HERC2: variants seen among roughly 807,000 people sequenced by gnomAD.
HERC2 encodes E3 ubiquitin-protein ligase HERC2.
A neutral mutation model predicts 537.7 loss-of-function variants in HERC2; 102 were observed. The ratio of observed to expected loss-of-function variants is 0.19; its 90% CI spans 0.16 to 0.22. The LOEUF (loss-of-function observed/expected upper bound fraction) is 0.22, where lower values mean the gene tolerates loss of function less well. Ranked by LOEUF, HERC2 falls within the 10% of genes least tolerant of loss-of-function variation. The pLI is 1.00. For synonymous variants in HERC2, 2,224 were observed against 2,466.2 expected, an observed-to-expected ratio of 0.90 and a Z score of 2.91; for missense variants, 4,236 against 6,198.2, an observed-to-expected ratio of 0.68 and a Z score of 10.63.
At chr15:28,226,055 A>AAC (rs1901121343) in intron 35 of HERC2, among the ~76,000 whole-genome samples, 1 of 152,248 alleles carries the variant, frequency 6.6e-6, no homozygotes, top group Admixed American at 6.5e-5. Flanking sequence ...AATATATGGG[A>AAC]ACACTACCCA....
intron 55 of HERC2, among the ~76,000 whole-genome samples, chr15:28,189,134 G>A (rs1566988030): frequency 6.6e-6 from 1 of 152,100 alleles, no homozygotes; most frequent in African/African-American, 2.4e-5. Context: ...GTACAGCAAA[G>A]GCCATGCTTA....
chr15:28,192,112 A>G lies in HERC2; in HGVS notation c.8300T>C (p.Leu2767Pro), dbSNP rs1896908150. Residue 2767 changes from leucine (L) to proline (P), a missense_variant, in exon 53 of 93, where the codon CTG becomes CCG. Coordinates refer to ENST00000261609, the MANE Select transcript of HERC2 (RefSeq NM_004667.6). ...TGGCTGGCTGCTGTGGCAACGCTTC[A>G]GCTGTTTTCCAGAACGGCCACAAAA... Reference protein sequence around the residue: ...AVFCGRSGKQLKRCHSSQPGM... With the variant: ...AVFCGRSGKQPKRCHSSQPGM... 6.2e-7 allele frequency: 1 copy of G among 1,613,908 alleles called. No individual in the cohort carries two copies. The highest frequency in any genetic ancestry group is 1.3e-5 in the African/African-American group (1 of 74,942).
chr15:28,118,029 T>TA, intron 86 of HERC2: 1 of 191,692 alleles, frequency 5.2e-6, no homozygotes. Context: ...AAGTTGAGTT[T>TA]AAACAGCTTA....
chr15:28,281,957 G>A (rs2076030347), intron 4 of HERC2, among the ~76,000 whole-genome samples: 1 of 152,130 alleles, frequency 6.6e-6, no homozygotes, highest in African/African-American at 2.4e-5. Context: ...CTCTGCCCTT[G>A]AGCACCCACG....
chr15:28,172,871 G>GA (rs1894831338), intron 65 of HERC2, among the ~76,000 whole-genome samples: 1 of 152,132 alleles, frequency 6.6e-6, no homozygotes, highest in African/African-American at 2.4e-5. Context: ...TTAGGCAAAG[G>GA]ACTTGTAACC....
chr15:28,304,185 A>C (rs1329669697), intron 2 of HERC2, among the ~76,000 whole-genome samples: 1 of 151,180 alleles, frequency 6.6e-6, no homozygotes, highest in Non-Finnish European at 1.5e-5. Context: ...AAAAAAAAAA[A>C]AAAAAAACAG....
At chr15:28,121,485 G>T in intron 85 of HERC2, 56 bp from the exon 86 acceptor site, 2 of 1,346,092 alleles carry the variant, frequency 1.5e-6, no homozygotes, top group Non-Finnish European at 2.1e-6. Context: ...CATCACTCCT[G>T]AAGAAATCAT....
intron 26 of HERC2, among the ~76,000 whole-genome samples, chr15:28,236,516 C>G (rs1483375494): frequency 6.6e-6 from 1 of 152,008 alleles, no homozygotes; most frequent in Non-Finnish European, 1.5e-5. Flanking sequence ...GTCTTGAACT[C>G]CTGACCTCAG....
intron 2 of HERC2, chr15:28,312,985 T>C (rs1207496760): frequency 3.9e-5 from 6 of 155,334 alleles, no homozygotes; most frequent in African/African-American, 1.2e-4. Flanking sequence ...AGAAGGCCAA[T>C]GACTTGACCA....
At chr15:28,184,570 A>G (rs2140214262) in intron 56 of HERC2, among the ~76,000 whole-genome samples, 1 of 152,252 alleles carries the variant, frequency 6.6e-6, no homozygotes, top group East Asian at 1.9e-4. Context: ...ATATGTATTA[A>G]TAATTTTATG....
At chr15:28,318,489 G>A (rs547699411) in intron 2 of HERC2, among the ~76,000 whole-genome samples, 29 of 152,220 alleles carry the variant, frequency 1.9e-4, no homozygotes, top group African/African-American at 3.9e-4. Flanking sequence ...TTAGCCAGGC[G>A]TGGTGGTGGA....
chr15:28,233,557 A>G lies in HERC2; in HGVS notation c.4356T>C (p.His1452=). The G allele has an allele frequency of 6.2e-7, 1 of 1,613,476 alleles. No individual in the cohort carries two copies. Among genetic ancestry groups the G allele is most frequent in the Non-Finnish European group, 8.5e-7 (1 of 1,179,456 alleles). The change falls in exon 29 of 93, where the codon CAT becomes CAC. Residue 1452 remains histidine (H), a synonymous_variant. Transcript: ENST00000261609. ...CTGCATGAACTAAAGATAATGCCAC[A>G]TGACCTGTAAAAAGACATTTAAAAG... ...CCLLKHEDLG[H]VALSLVHAGA... is the part of the protein sequence containing the mutation.
intron 7 of HERC2, chr15:28,273,316 T>C (rs2075790231): frequency 6.9e-6 from 3 of 434,014 alleles, no homozygotes; most frequent in Non-Finnish European, 1.3e-5. Context: ...TATCTAGCTA[T>C]CTTTTCCAGT....
At position 28,229,826 on chromosome 15, in the gene HERC2, T is replaced by C. The variant is rs1439524875; in HGVS notation, c.4831A>G (p.Ser1611Gly). ...TATTTGTGAACACCTGTAACAGTACTCAACAGCGGCTGCCATTTGTCCTAA... is the reference window on the plus strand; with the variant it reads ...TATTTGTGAACACCTGTAACAGTACCCAACAGCGGCTGCCATTTGTCCTAA... ...SPKDKWQPLL[S>G]TVTGVHKYKW... The change falls in exon 32 of 93, where the codon AGT becomes GGT. Residue 1611 changes from serine to glycine, a missense_variant. Transcript: ENST00000261609. 7.4e-7 allele frequency: 1 copy of C among 1,351,984 alleles called. No homozygotes were observed. The highest frequency in any genetic ancestry group is 1.1e-6 in the Non-Finnish European group (1 of 944,812). The allele number at this position is 1,351,984 out of a possible 1,614,324, so 83.7% of individuals were successfully genotyped here.
In HERC2 at chr15:28,143,462, T is replaced by G. The variant is rs1891428483; in HGVS notation, c.11418+411A>C. ...TTATTTTTATTCATTTATTTATTTT[T>G]TTTGAGATGGAGTCTCGCTCTGTCA... On this transcript the variant is annotated intron_variant, in intron 74 of 92. Coordinates refer to ENST00000261609, the MANE Select transcript of HERC2 (RefSeq NM_004667.6). 2.6e-5 allele frequency among the ~76,000 whole-genome samples: 4 copies of G among 152,152 alleles called. 1 individual carries two copies. The highest frequency in any genetic ancestry group is 2.6e-4 in the Admixed American group (4 of 15,262).
intron 21 of HERC2, among the ~76,000 whole-genome samples, chr15:28,247,990 C>T (rs761190071): frequency 2.0e-5 from 3 of 152,192 alleles, no homozygotes; most frequent in Non-Finnish European, 4.4e-5. Flanking sequence ...GAAGGGGAAC[C>T]ATTCCCTCAA....
intron 35 of HERC2, among the ~76,000 whole-genome samples, chr15:28,224,134 T>TACACACACGCAC (rs1900827486): frequency 1.7e-4 from 1 of 5,758 alleles, no homozygotes; most frequent in African/African-American, 3.2e-4. Context: ...TAAAAAATTA[T>TACACACACGCAC]ACACACACAC....
At position 28,186,661 on chromosome 15, in the gene HERC2, C is replaced by A. The variant is rs566182373; in HGVS notation, c.8741G>T (p.Arg2914Leu). 7 of 1,614,012 alleles carry A rather than the reference C, an allele frequency of 4.3e-6. No homozygotes were observed. The Admixed American group carries it at 1.0e-4, about 23-fold the overall frequency. ...TGCAGCCAAATCTTCCTCTTCTGCA[C>A]GGATCCGTCCCAGCAGGATGAGACC... is the stretch of plus-strand genomic sequence containing the variant. Reference protein sequence around the residue: ...IHGLILLGRIRAEEEDLAAVP... With the variant: ...IHGLILLGRILAEEEDLAAVP... Residue 2914 changes from arginine (R) to leucine (L), a missense_variant, in exon 56 of 93, where the codon CGT (arginine) becomes CTT (leucine). By Grantham distance (102) the Arg-to-Leu change is moderately radical. This residue lies in a region of HERC2 where 606 missense variants were observed against 884.5 expected (regional missense o/e 0.69). Coordinates refer to ENST00000261609, the MANE Select transcript of HERC2 (RefSeq NM_004667.6).
chr15:28,277,235 G>A (rs1469592065), intron 5 of HERC2, among the ~76,000 whole-genome samples: 1 of 152,150 alleles, frequency 6.6e-6, no homozygotes, highest in East Asian at 1.9e-4. Context: ...ACCAATTGCA[G>A]TGGTGGTCTC....
Sources: allele counts gnomAD v4.1 joint callset (sites outside exome capture counted in the v4.1 genomes callset), GRCh38; gene constraint gnomAD v4.1.1; regional missense constraint gnomAD v4.1.1; transcripts MANE v1.5; gene names NCBI Gene and HGNC (gene_info 2026-07-23, HGNC 2026-07-21).